The following STAU2 variants were observed in gnomAD, a reference collection of about 807,000 sequenced individuals.
The protein encoded by STAU2 is double-stranded RNA-binding protein Staufen homolog 2.
In STAU2, 20 loss-of-function variants were observed where a neutral mutation model predicts 65.9. That is an observed-to-expected ratio of 0.30 (90% CI 0.21 to 0.44). STAU2 has a LOEUF of 0.44. STAU2 is among the 20% of genes least tolerant of loss of function. The pLI is 1.00. For missense variants in STAU2, 558 were observed against 683.9 expected (o/e 0.82, Z 2.05); for synonymous variants, 232 against 233.9 (o/e 0.99, Z 0.07).
upstream of STAU2, chr8:73,746,912 C>CCTCCCCGGCG (rs1376782712): frequency 1.9e-6 from 2 of 1,043,172 alleles, no homozygotes; most frequent in Admixed American, 5.6e-5. Flanking sequence ...CCTCCGCCCG[C>CCTCCCCGGCG]CTCCCCGGCG....
At chr8:73,510,633 A>G (rs1406604769) in intron 13 of STAU2, among the ~76,000 whole-genome samples, 2 of 152,204 alleles carry the variant, frequency 1.3e-5, no homozygotes, top group Non-Finnish European at 2.9e-5. Flanking sequence ...GGAAACTTCA[A>G]TCACGGCGGA....
rs59063960 is a variant in STAU2 at position 73,424,201 on chromosome 8, C to CTTT, written c.1531-1502_1531-1500dup. Among the ~76,000 whole-genome samples the CTTT allele has an allele frequency of 1.8e-3, 207 of 115,272 alleles. 9 individuals are homozygous for CTTT. The highest frequency in any genetic ancestry group is 6.1e-3 in the African/African-American group (178 of 28,968). The allele number at this position is 115,272 out of a possible 152,430, so 75.6% of individuals were successfully genotyped here. Reference sequence around the variant, plus strand: ...ATGTATATTTGAAGCTCCTCTATGTCTTTTTTTTTTTTTTTTTTTGACTGA... The same window carrying CTTT: ...ATGTATATTTGAAGCTCCTCTATGTCTTTTTTTTTTTTTTTTTTTTTTGACTGA... On this transcript the variant is annotated intron_variant, in intron 13 of 14. Coordinates refer to ENST00000524300, the MANE Select transcript of STAU2 (RefSeq NM_001164380.2).
intron 6 of STAU2, among the ~76,000 whole-genome samples, chr8:73,659,928 G>A (rs942391386): frequency 5.9e-5 from 9 of 152,054 alleles, no homozygotes; most frequent in Admixed American, 2.0e-4. Context: ...AAAAACTTAC[G>A]GTAATTATCT....
intron 13 of STAU2, among the ~76,000 whole-genome samples, chr8:73,523,153 G>A (rs974497216): frequency 6.1e-5 from 8 of 130,936 alleles, no homozygotes; most frequent in African/African-American, 2.2e-4. Flanking sequence ...CCGAAATCAC[G>A]CCACTGCACT....
At chr8:73,599,892 C>T (rs6982223) in intron 10 of STAU2, among the ~76,000 whole-genome samples, 4,133 of 152,194 alleles carry the variant, frequency 0.027, 161 homozygotes, top group African/African-American at 0.09. Flanking sequence ...CTCAGCCTCC[C>T]GAGTAGCTAG....
chr8:73,569,998 T>C (rs187119946), intron 12 of STAU2, among the ~76,000 whole-genome samples: 77 of 152,314 alleles, frequency 5.1e-4, no homozygotes, highest in African/African-American at 1.6e-3. Flanking sequence ...CTTCAGATGA[T>C]TGGTAACAAC....
intron 13 of STAU2, among the ~76,000 whole-genome samples, chr8:73,424,727 C>T (rs13253717): frequency 0.96 from 145,224 of 151,568 alleles, 69,619 homozygotes; most frequent in East Asian, 1. Context: ...TTCTCTCTTG[C>T]TTTTCTATTG....
Position 73,595,244 on chromosome 8 carries a change from G to A in STAU2, c.1083C>T (p.Ala361=). The change falls in exon 11 of 15, where the codon GCC becomes GCT. Residue 361 remains alanine (A), a synonymous_variant. Transcript: ENST00000524300. The part of the protein sequence containing the change: ...ATGTGPNKKI[A]KKNAAEAMLL... ...GCATTGCTTCTGCAGCATTTTTTTTGGCTATCTTTTTATTAGGTCCTGTTC... is the reference window on the plus strand; with the variant it reads ...GCATTGCTTCTGCAGCATTTTTTTTAGCTATCTTTTTATTAGGTCCTGTTC... 6.2e-7 allele frequency: 1 copy of A among 1,610,510 alleles called. No homozygotes were observed. The highest frequency in any genetic ancestry group is 8.5e-7 in the Non-Finnish European group (1 of 1,178,610).
At chr8:73,515,239 T>C (rs1358708210) in intron 13 of STAU2, among the ~76,000 whole-genome samples, 1 of 152,216 alleles carries the variant, frequency 6.6e-6, no homozygotes, top group Non-Finnish European at 1.5e-5. Context: ...CCAGAGGTCC[T>C]GGACATGAGG....
chr8:73,551,072 A>T, intron 13 of STAU2: 13 of 987,074 alleles, frequency 1.3e-5, no homozygotes, highest in Non-Finnish European at 1.6e-5. Context: ...GAAGCAATAC[A>T]CTCTCTACAC....
At chr8:73,668,848 CT>C (rs1468963016) in intron 6 of STAU2, 11 of 465,570 alleles carry the variant, frequency 2.4e-5, no homozygotes, top group Non-Finnish European at 3.4e-5. Context: ...CTTCTTAGGC[CT>C]TTGAATAAGT....
chr8:73,478,618 G>A (rs879156172), intron 13 of STAU2, among the ~76,000 whole-genome samples: 5 of 152,140 alleles, frequency 3.3e-5, no homozygotes, highest in Admixed American at 2.0e-4. Context: ...TTCACAAAAC[G>A]GTTTATGTTC....
At chr8:73,682,152 C>T (rs973031368) in intron 5 of STAU2, among the ~76,000 whole-genome samples, 1 of 151,886 alleles carries the variant, frequency 6.6e-6, no homozygotes, top group African/African-American at 2.4e-5. Flanking sequence ...ACAGAACATT[C>T]TACCCAACAA....
chr8:73,696,118 A>T (rs1401259547), intron 4 of STAU2, among the ~76,000 whole-genome samples: 1 of 152,110 alleles, frequency 6.6e-6, no homozygotes, highest in Non-Finnish European at 1.5e-5. Flanking sequence ...AAAGAACAAC[A>T]ATCTCTGCCT....
chr8:73,642,212 C>G (rs1484463533), intron 6 of STAU2, among the ~76,000 whole-genome samples: 2 of 152,150 alleles, frequency 1.3e-5, no homozygotes, highest in African/African-American at 2.4e-5. Flanking sequence ...CAAACATGGT[C>G]AGGTCTCCCC....
intron 13 of STAU2, among the ~76,000 whole-genome samples, chr8:73,456,517 G>A (rs1293031423): frequency 6.6e-6 from 1 of 152,060 alleles, no homozygotes; most frequent in African/African-American, 2.4e-5. Flanking sequence ...CATGAAAGAG[G>A]AAGAGTTTGC....
intron 13 of STAU2, among the ~76,000 whole-genome samples, chr8:73,448,022 C>A (rs1818570214): frequency 1.3e-5 from 2 of 152,104 alleles, no homozygotes; most frequent in Non-Finnish European, 2.9e-5. Context: ...GTTTCCACCA[C>A]CGACCCATTC....
intron 6 of STAU2, among the ~76,000 whole-genome samples, chr8:73,630,829 AGCC>A (rs1814039676): frequency 2.6e-5 from 4 of 152,182 alleles, no homozygotes; most frequent in Non-Finnish European, 4.4e-5. Flanking sequence ...CTAATCCATC[AGCC>A]TTCTTTGATA....
chr8:73,635,781 C>T (rs1036358409), intron 6 of STAU2, among the ~76,000 whole-genome samples: 14 of 151,592 alleles, frequency 9.2e-5, no homozygotes, highest in Admixed American at 6.6e-4. Flanking sequence ...GCCGAGACCG[C>T]GCCACTGCAC....
Sources: gnomAD v4.1 joint callset for allele counts (sites outside exome capture counted in the v4.1 genomes callset) on GRCh38, gnomAD v4.1.1 for gene constraint, MANE v1.5 for transcripts, NCBI Gene and HGNC (gene_info 2026-07-23, HGNC 2026-07-21) for gene names.